GRIA4: variants seen among roughly 807,000 people sequenced by gnomAD.
GRIA4 encodes the protein glutamate ionotropic receptor AMPA type subunit 4.
A neutral mutation model predicts 104.0 loss-of-function variants in GRIA4; 34 were observed. That is an observed-to-expected ratio of 0.33 (90% CI 0.25 to 0.44). The LOEUF is 0.44. Ranked by LOEUF, GRIA4 falls within the 20% of genes least tolerant of loss-of-function variation. The pLI, the probability that GRIA4 is intolerant of heterozygous loss-of-function variation, is 1.00. For missense variants in GRIA4, 750 were observed against 1,096.5 expected, an observed-to-expected ratio of 0.68 and a Z score of 4.46; for synonymous variants, 386 against 381.9, an observed-to-expected ratio of 1.01 and a Z score of -0.13.
Position 105,903,215 on chromosome 11 carries a change from C to A in GRIA4, c.886-599C>A, listed in dbSNP as rs529555466. ...GGGTGTGGTGTGGCAATATCCATTCCCATTTAGCATAGTCACTGATGCATA... is the reference window on the plus strand; with the variant it reads ...GGGTGTGGTGTGGCAATATCCATTCACATTTAGCATAGTCACTGATGCATA... On this transcript the variant is annotated intron_variant, in intron 7 of 16. Transcript: ENST00000282499. 2.6e-5 allele frequency among the ~76,000 whole-genome samples: 4 copies of A among 152,248 alleles called. No individual in the cohort carries two copies. The South Asian group carries it at 8.3e-4, about 32-fold the overall frequency.
intron 4 of GRIA4, among the ~76,000 whole-genome samples, chr11:105,847,537 T>G (rs985470336): frequency 6.6e-6 from 1 of 152,188 alleles, no homozygotes; most frequent in African/African-American, 2.4e-5. Context: ...TTAATGAGAA[T>G]CTAAAATACT....
At chr11:105,831,171 C>G (rs990780010) in intron 4 of GRIA4, among the ~76,000 whole-genome samples, 3 of 151,992 alleles carry the variant, frequency 2.0e-5, no homozygotes, top group Middle Eastern at 3.2e-3. Context: ...CATTCATATG[C>G]CTGGCAAGTT....
chr11:105,902,795 G>A (rs531191522), intron 7 of GRIA4, among the ~76,000 whole-genome samples: 1 of 152,212 alleles, frequency 6.6e-6, no homozygotes, highest in Middle Eastern at 3.4e-3. Flanking sequence ...ATTTCTAAAG[G>A]AGATAATGTA....
chr11:105,863,424 T>A (rs956221970), intron 5 of GRIA4, among the ~76,000 whole-genome samples: 24 of 151,728 alleles, frequency 1.6e-4, no homozygotes, highest in Non-Finnish European at 4.4e-5. Flanking sequence ...GAAATATATA[T>A]GTTATTTTGG....
chr11:105,628,428 C>T (rs193268016), intron 3 of GRIA4, among the ~76,000 whole-genome samples: 73 of 152,202 alleles, frequency 4.8e-4, no homozygotes, highest in Non-Finnish European at 9.6e-4. Flanking sequence ...TTCCTATAAT[C>T]CCCATGTGTC....
At chr11:105,971,880 A>T in intron 14 of GRIA4, 34 bp from the exon 15 acceptor site, 1 of 1,288,784 alleles carries the variant, frequency 7.8e-7, no homozygotes, top group Non-Finnish European at 1.1e-6. Context: ...AAAATAACAT[A>T]TATAATGTTA....
chr11:105,691,865 G>A (rs566219320), intron 3 of GRIA4, among the ~76,000 whole-genome samples: 26 of 150,832 alleles, frequency 1.7e-4, no homozygotes, highest in Non-Finnish European at 3.2e-4. Context: ...AACCAGGGAG[G>A]CGGAGGTTGC....
At chr11:105,736,989 C>T (rs998752120) in intron 3 of GRIA4, among the ~76,000 whole-genome samples, 1 of 151,930 alleles carries the variant, frequency 6.6e-6, no homozygotes, top group African/African-American at 2.4e-5. Flanking sequence ...AGTATAATTT[C>T]AGTAATAAAT....
intron 16 of GRIA4, among the ~76,000 whole-genome samples, chr11:105,978,476 C>T (rs562200697): frequency 1.3e-5 from 2 of 152,212 alleles, no homozygotes; most frequent in Admixed American, 6.5e-5. Context: ...TTGACTTCAA[C>T]TTTCTGAAGT....
At chr11:105,933,085 T>C (rs1405936362) in intron 13 of GRIA4, among the ~76,000 whole-genome samples, 1 of 151,820 alleles carries the variant, frequency 6.6e-6, no homozygotes, top group Non-Finnish European at 1.5e-5. Context: ...AAAAAATTTT[T>C]TTTTTAATTA....
intron 8 of GRIA4, among the ~76,000 whole-genome samples, chr11:105,904,927 G>C (rs914324810): frequency 6.6e-6 from 1 of 151,924 alleles, no homozygotes; most frequent in Non-Finnish European, 1.5e-5. Flanking sequence ...AATTGAGGGA[G>C]GATTCTTCGA....
intron 3 of GRIA4, among the ~76,000 whole-genome samples, chr11:105,619,038 T>C (rs1950671795): frequency 6.7e-6 from 1 of 150,194 alleles, no homozygotes; most frequent in Non-Finnish European, 1.5e-5. Flanking sequence ...ACATAGGTTT[T>C]TCCTTTTCTT....
intron 3 of GRIA4, among the ~76,000 whole-genome samples, chr11:105,661,098 G>C (rs1436197616): frequency 6.6e-6 from 1 of 151,488 alleles, no homozygotes; most frequent in Non-Finnish European, 1.5e-5. Flanking sequence ...TGGAAGATGA[G>C]ATATTTTCTA....
At chr11:105,737,384 A>G (rs546082957) in intron 3 of GRIA4, among the ~76,000 whole-genome samples, 1 of 152,268 alleles carries the variant, frequency 6.6e-6, no homozygotes, top group South Asian at 2.1e-4. Context: ...GTGAATATTA[A>G]CCATGCAAAA....
chr11:105,652,313 A>C (rs992371023), intron 3 of GRIA4, among the ~76,000 whole-genome samples: 12 of 152,196 alleles, frequency 7.9e-5, no homozygotes, highest in Non-Finnish European at 1.5e-4. Flanking sequence ...GAACATACCG[A>C]GAAAGAATGA....
chr11:105,612,571 G>T, intron 3 of GRIA4, 137 bp downstream of exon 3: 5 of 618,534 alleles, frequency 8.1e-6, no homozygotes, highest in East Asian at 5.8e-5. Flanking sequence ...ACAAATCAGA[G>T]TTAAAAACAA....
chr11:105,747,198 A>C (rs563989619), intron 3 of GRIA4, among the ~76,000 whole-genome samples: 29 of 152,168 alleles, frequency 1.9e-4, no homozygotes, highest in Non-Finnish European at 3.5e-4. Context: ...ACATATTGGA[A>C]TAATTGGGAT....
intron 3 of GRIA4, among the ~76,000 whole-genome samples, chr11:105,679,597 C>T (rs1055438924): frequency 6.6e-6 from 1 of 152,012 alleles, no homozygotes; most frequent in Non-Finnish European, 1.5e-5. Flanking sequence ...CAATGAAATA[C>T]TATGATATAA....
chr11:105,865,381 C>T (rs1426699212), intron 5 of GRIA4, among the ~76,000 whole-genome samples: 2 of 152,018 alleles, frequency 1.3e-5, no homozygotes, highest in Non-Finnish European at 1.5e-5. Context: ...CAGAAACAAG[C>T]CTTGAAAAGA....
Sources: gnomAD v4.1 joint callset for allele counts (sites outside exome capture counted in the v4.1 genomes callset) on GRCh38, gnomAD v4.1.1 for gene constraint, MANE v1.5 for transcripts, NCBI Gene and HGNC (gene_info 2026-07-23, HGNC 2026-07-21) for gene names.